AHCTF1: variants seen among roughly 807,000 people sequenced by gnomAD.
The protein encoded by AHCTF1 is protein ELYS.
AHCTF1 carries 24 observed loss-of-function variants against 248.4 expected under a neutral mutation model. The observed-to-expected ratio is 0.10, with a 90% CI of 0.07 to 0.14. The LOEUF is 0.14. Ranked by LOEUF, AHCTF1 falls within the 10% of genes least tolerant of loss-of-function variation. The probability of loss-of-function intolerance (pLI) is 1.00; values close to 1 mark genes in which losing one functional copy is unlikely to be tolerated. For synonymous variants in AHCTF1, 786 were observed against 929.8 expected (o/e 0.85, Z 2.81); for missense variants, 2,206 against 2,636.2 (o/e 0.84, Z 3.57).
intron 5 of AHCTF1, among the ~76,000 whole-genome samples, chr1:246,906,009 T>C (rs1022537610): frequency 3.3e-5 from 5 of 152,194 alleles, no homozygotes; most frequent in Non-Finnish European, 7.3e-5. Context: ...CTGTGTAAAC[T>C]GGTCCTAAGA....
rs150299020 is a variant in AHCTF1, at chr1:246,926,531, C to T, written c.-8+5047G>A. 1.2e-3 allele frequency among the ~76,000 whole-genome samples: 178 copies of T among 152,306 alleles called. 2 individuals are homozygous for T. The East Asian group carries it at 0.031, about 27-fold the overall frequency. On this transcript the variant is annotated intron_variant, in intron 1 of 35. Coordinates refer to ENST00000648844, the MANE Select transcript of AHCTF1 (RefSeq NM_001323342.2). ...GGTTTTAAGACTTTTCCAATTTAAG[C>T]ACACTACAGAGAACATCGAAACACT...
chr1:246,914,912 C>G (rs1385394025), intron 3 of AHCTF1, among the ~76,000 whole-genome samples: 1 of 152,228 alleles, frequency 6.6e-6, no homozygotes, highest in Non-Finnish European at 1.5e-5. Context: ...TTTCTACTGT[C>G]ATTTCCTTGG....
chr1:246,865,754 A>G (rs1303510657), intron 26 of AHCTF1, among the ~76,000 whole-genome samples: 1 of 81,142 alleles, frequency 1.2e-5, no homozygotes, highest in Non-Finnish European at 2.0e-5. Flanking sequence ...TAATAGTTTA[A>G]AGGTTCTGAG....
In AHCTF1 at chr1:246,853,174, C is replaced by G; in HGVS notation, c.4480G>C (p.Val1494Leu). 2 of 1,612,792 alleles carry G rather than the reference C, an allele frequency of 1.2e-6. No individual in the cohort carries two copies. The highest frequency in any genetic ancestry group is 1.7e-6 in the Non-Finnish European group (2 of 1,179,212). The change falls in exon 32 of 36, where the codon GTT becomes CTT. Residue 1494 changes from valine (V) to leucine (L), a missense_variant. By Grantham distance (32) the Val-to-Leu change is conservative (BLOSUM62 1). Around this residue, in one of 6 missense-constraint regions of AHCTF1, gnomAD observed 955 missense variants for 1,055.6 expected, o/e 0.90. Transcript: ENST00000648844. ...LNLKEDHEVE[V>L]GVLKESVDLP... ...TCAACACTTTCTTTTAGTACACCAA[C>G]TTCTACTTCATGATCTTCTTTTAAG...
rs35320501 is a variant in AHCTF1, at chr1:246,911,479, CTTTTTTTTT to C, written c.556+1744_556+1752del. On this transcript the variant is annotated intron_variant, in intron 4 of 35. Transcript: ENST00000648844. ...GGTATAGTGTCTATCTATGAAGATT[CTTTTTTTTT>C]TTTTTTTTTTTTGAGATGGAGTTTC... Among the ~76,000 whole-genome samples the C allele has an allele frequency of 3.0e-5, 3 of 99,496 alleles. No homozygotes were observed. In the South Asian group the frequency reaches 1.0e-3, roughly 34 times the overall value. 65.3% of individuals were successfully genotyped at this position (99,496 alleles called of 152,430 possible).
At chr1:246,868,086 C>T (rs1231916618) in intron 24 of AHCTF1, among the ~76,000 whole-genome samples, 1 of 151,804 alleles carries the variant, frequency 6.6e-6, no homozygotes, top group African/African-American at 2.4e-5. Flanking sequence ...CCTCAGCCTC[C>T]CAAGTAGATG....
chr1:246,928,464 G>A (rs1358629783), intron 1 of AHCTF1, among the ~76,000 whole-genome samples: 1 of 152,034 alleles, frequency 6.6e-6, no homozygotes, highest in Non-Finnish European at 1.5e-5. Context: ...AGGATAACAG[G>A]ATACTGTATA....
chr1:246,862,202 C>A (rs574959357), intron 27 of AHCTF1, 49 bp from the exon 28 acceptor site: 2 of 1,473,802 alleles, frequency 1.4e-6, no homozygotes, highest in South Asian at 2.6e-5. Context: ...GCTTATAGGC[C>A]GGGCGCGGTG....
intron 12 of AHCTF1, among the ~76,000 whole-genome samples, chr1:246,896,601 T>C (rs976452295): frequency 3.3e-5 from 5 of 152,178 alleles, no homozygotes; most frequent in East Asian, 1.9e-4. Context: ...TTTATGGGCA[T>C]AGAACTTTCT....
chr1:246,877,262 T>C lies in AHCTF1; in HGVS notation c.2701A>G (p.Asn901Asp), dbSNP rs1319819987. 1.2e-6 allele frequency: 2 copies of C among 1,606,092 alleles called. No individual in the cohort carries two copies. Among genetic ancestry groups the C allele is most frequent in the Admixed American group, 3.5e-5 (2 of 57,864 alleles). Reference sequence around the variant, plus strand: ...AGTAACTCCTCTATATTCAACCTATTGCAATGTTGCCGCAAAAAATTCCAG... The same window carrying C: ...AGTAACTCCTCTATATTCAACCTATCGCAATGTTGCCGCAAAAAATTCCAG... ...EAWNFLRQHC[N>D]RLNIEELLKH... Residue 901 changes from asparagine to aspartate, a missense_variant, in exon 22 of 36, where the codon AAT becomes GAT. Around this residue, in one of 6 missense-constraint regions of AHCTF1, gnomAD observed 955 missense variants for 1,055.6 expected, o/e 0.90. Coordinates refer to ENST00000648844, the MANE Select transcript of AHCTF1 (RefSeq NM_001323342.2).
chr1:246,900,667 G>A (rs1410323346), intron 8 of AHCTF1, among the ~76,000 whole-genome samples, 198 bp from the exon 9 acceptor site: 1 of 152,118 alleles, frequency 6.6e-6, no homozygotes, highest in Non-Finnish European at 1.5e-5. Flanking sequence ...CAATTTTAAG[G>A]CCTTATTAAA....
In AHCTF1 at chr1:246,850,649, G is replaced by A; in HGVS notation, c.5357C>T (p.Ser1786Phe). The change falls in exon 33 of 36, where the codon TCT (serine) becomes TTT (phenylalanine). Residue 1786 changes from serine to phenylalanine, a missense_variant. Around this residue, in one of 6 missense-constraint regions of AHCTF1, gnomAD observed 955 missense variants for 1,055.6 expected, o/e 0.90. Transcript: ENST00000648844. ...TRKAKEISEA[S>F]ENIYSDVRGL... ...TCTGACATCAGAATAGATGTTTTCA[G>A]AAGCTTCAGAAATTTCTTTTGCCTT... 7 of 1,613,888 alleles carry A rather than the reference G, an allele frequency of 4.3e-6. No homozygotes were observed. Among genetic ancestry groups the A allele is most frequent in the Non-Finnish European group, 5.9e-6 (7 of 1,179,842 alleles).
At chr1:246,897,855 GTAGTCC>G (rs1664700607) in intron 12 of AHCTF1, among the ~76,000 whole-genome samples, 1 of 151,834 alleles carries the variant, frequency 6.6e-6, no homozygotes, top group Non-Finnish European at 1.5e-5. Flanking sequence ...GTGCCTGTCT[GTAGTCC>G]TAGCTACTTG....
chr1:246,872,825 C>T (rs1278622000), intron 24 of AHCTF1, among the ~76,000 whole-genome samples: 1 of 152,126 alleles, frequency 6.6e-6, no homozygotes, highest in Non-Finnish European at 1.5e-5. Context: ...GTAAAACATG[C>T]TGTAGATTTT....
At chr1:246,894,544 A>T in intron 14 of AHCTF1, 115 bp downstream of exon 14, 1 of 888,484 alleles carries the variant, frequency 1.1e-6, no homozygotes, top group South Asian at 1.8e-5. Flanking sequence ...TCAGTCTCAA[A>T]AAAAGAAAAG....
At chr1:246,860,644 G>A (rs964293820) in intron 29 of AHCTF1, among the ~76,000 whole-genome samples, 1 of 152,108 alleles carries the variant, frequency 6.6e-6, no homozygotes, top group Admixed American at 6.6e-5. Context: ...TCAAACTTCT[G>A]AACACTCCCA....
At position 246,839,718 on chromosome 1, in the gene AHCTF1, G is replaced by A; in HGVS notation, c.*1088C>T. The A allele has an allele frequency of 5.0e-6, 1 of 200,124 alleles. No homozygotes were observed. Among genetic ancestry groups the A allele is most frequent in the Non-Finnish European group, 9.0e-6 (1 of 111,362 alleles). The allele number at this position is 200,124 out of a possible 1,614,324, so 12.4% of individuals were successfully genotyped here. On this transcript the variant is annotated 3_prime_UTR_variant, in exon 36 of 36. Coordinates refer to ENST00000648844, the MANE Select transcript of AHCTF1 (RefSeq NM_001323342.2). ...GTTTCTAGATAATCAATTATTAATA[G>A]TCCATTCATTACACACTATCGATTA...
At position 246,931,939 on chromosome 1, in the gene AHCTF1, C is replaced by G. The variant is rs1336451146; in HGVS notation, c.-369G>C. 6.7e-6 allele frequency: 1 copy of G among 150,142 alleles called. No individual in the cohort carries two copies. The highest frequency in any genetic ancestry group is 1.5e-5 in the Non-Finnish European group (1 of 67,360). 9.3% of individuals were successfully genotyped at this position (150,142 alleles called of 1,614,324 possible). ...CCCCGCTCTGCGCATTACCCTGCGC[C>G]GACAAAACCGAGTTCCACACGCCCC... On this transcript the variant is annotated 5_prime_UTR_variant, in exon 1 of 36. Transcript: ENST00000648844.
At chr1:246,873,091 G>T (rs1232886730) in intron 24 of AHCTF1, among the ~76,000 whole-genome samples, 2 of 152,144 alleles carry the variant, frequency 1.3e-5, no homozygotes, top group East Asian at 3.9e-4. Context: ...GCGCTACTAG[G>T]TTCGACTTAT....
Sources: gnomAD v4.1 joint callset for allele counts (sites outside exome capture counted in the v4.1 genomes callset) on GRCh38, gnomAD v4.1.1 for gene constraint, gnomAD v4.1.1 regional missense constraint, MANE v1.5 for transcripts, NCBI Gene and HGNC (gene_info 2026-07-23, HGNC 2026-07-21) for gene names.